SENP6: variants seen among roughly 807,000 people sequenced by gnomAD.
SENP6 encodes SUMO specific peptidase 6, also known as sentrin-specific protease 6.
SENP6 carries 41 observed loss-of-function variants against 134.5 expected under a neutral mutation model. The ratio of observed to expected loss-of-function variants is 0.30; its 90% confidence interval spans 0.24 to 0.40. The LOEUF (loss-of-function observed/expected upper bound fraction) is 0.40, where lower values mean the gene tolerates loss of function less well. Among genes scored for constraint, SENP6 ranks in the 10% least tolerant of loss-of-function variants. The pLI is 1.00. For synonymous variants in SENP6, 395 were observed against 429.8 expected (o/e 0.92, Z 1.00); for missense variants, 1,248 against 1,312.5 (o/e 0.95, Z 0.76).
At chr6:75,702,511 C>A (rs1775106812) in intron 18 of SENP6, 134 bp from the exon 19 acceptor site, 3 of 851,292 alleles carry the variant, frequency 3.5e-6, no homozygotes, top group Non-Finnish European at 5.2e-6. Context: ...AGCTACTGCG[C>A]CCGGCCAGAA....
chr6:75,603,571 T>G (rs1766801855), intron 1 of SENP6, among the ~76,000 whole-genome samples: 1 of 152,204 alleles, frequency 6.6e-6, no homozygotes, highest in Non-Finnish European at 1.5e-5. Flanking sequence ...AAAAAATAAC[T>G]TCTTTTAGTA....
chr6:75,696,305 T>C (rs1416283072), intron 17 of SENP6, among the ~76,000 whole-genome samples: 1 of 152,210 alleles, frequency 6.6e-6, no homozygotes, highest in Non-Finnish European at 1.5e-5. Flanking sequence ...ATGTGACTAG[T>C]AGGTTTTTTT....
intron 13 of SENP6, chr6:75,676,732 A>G (rs530218071): frequency 7.1e-5 from 15 of 210,626 alleles, no homozygotes; most frequent in African/African-American, 3.0e-4. Flanking sequence ...CTTTAAGACT[A>G]TAGATTTAGA....
At chr6:75,651,619 TG>T (rs927629080) in intron 7 of SENP6, among the ~76,000 whole-genome samples, 2 of 152,208 alleles carry the variant, frequency 1.3e-5, no homozygotes, top group African/African-American at 4.8e-5. Context: ...CCCAAAGTGC[TG>T]GGATTACAGG....
At chr6:75,627,923 T>G (rs1768824463) in intron 3 of SENP6, among the ~76,000 whole-genome samples, 1 of 152,088 alleles carries the variant, frequency 6.6e-6, no homozygotes, top group Non-Finnish European at 1.5e-5. Context: ...CTGCCCGCCT[T>G]GGCCTCCCGA....
intron 18 of SENP6, among the ~76,000 whole-genome samples, chr6:75,701,192 A>G (rs910246254): frequency 6.6e-6 from 1 of 152,210 alleles, no homozygotes; most frequent in Non-Finnish European, 1.5e-5. Context: ...ACACCCTACC[A>G]TAGGACAAAT....
At position 75,686,041 on chromosome 6, in the gene SENP6, T is replaced by C. The variant is rs1004028232; in HGVS notation, c.2075+7114T>C. On this transcript the variant is annotated intron_variant, in intron 16 of 23. Coordinates refer to ENST00000447266, the MANE Select transcript of SENP6 (RefSeq NM_015571.4). ...TTGTGTGGGAGTCTAAGTCTCTTTG[T>C]AGGTCACTCAGAACTTGCTTTATGA... Among the ~76,000 whole-genome samples, 22 of 150,478 alleles carry C rather than the reference T, an allele frequency of 1.5e-4. 1 individual carries two copies. The highest frequency in any genetic ancestry group is 1.4e-3 in the Admixed American group (21 of 15,060).
chr6:75,667,687 T>A (rs1345266412), intron 10 of SENP6, among the ~76,000 whole-genome samples: 4 of 152,194 alleles, frequency 2.6e-5, no homozygotes, highest in Non-Finnish European at 5.9e-5. Context: ...CATTAAAAAA[T>A]TTTTAATGTG....
chr6:75,702,462 C>T (rs1282764273), intron 18 of SENP6, among the ~76,000 whole-genome samples, 183 bp from the exon 19 acceptor site: 1 of 152,146 alleles, frequency 6.6e-6, no homozygotes, highest in Non-Finnish European at 1.5e-5. Flanking sequence ...AGGTGATCCA[C>T]CCACCTCAGC....
intron 1 of SENP6, among the ~76,000 whole-genome samples, chr6:75,607,881 A>G (rs1767143688): frequency 6.6e-6 from 1 of 151,816 alleles, no homozygotes; most frequent in African/African-American, 2.4e-5. Flanking sequence ...GGAGACCGTA[A>G]ATACCTAACA....
At chr6:75,620,836 T>TG (rs1275678957) in intron 1 of SENP6, 1 of 152,194 alleles carries the variant, frequency 6.6e-6, no homozygotes, top group African/African-American at 2.4e-5. Context: ...CTCATTTTGC[T>TG]GGGGCCTTGA....
intron 1 of SENP6, among the ~76,000 whole-genome samples, chr6:75,616,906 C>A (rs934940637): frequency 2.6e-5 from 4 of 152,056 alleles, no homozygotes; most frequent in African/African-American, 9.7e-5. Context: ...CTGTGTCACC[C>A]AGGCTGGATT....
intron 9 of SENP6, among the ~76,000 whole-genome samples, chr6:75,664,839 G>T (rs1036296025): frequency 1.3e-5 from 2 of 152,190 alleles, no homozygotes; most frequent in African/African-American, 4.8e-5. Context: ...CAGGCCTGGG[G>T]ATATAGCAGT....
At chr6:75,687,986 T>C (rs532188808) in intron 16 of SENP6, among the ~76,000 whole-genome samples, 6 of 152,242 alleles carry the variant, frequency 3.9e-5, no homozygotes, top group Non-Finnish European at 7.3e-5. Context: ...ATTTTTCAGC[T>C]ATGCCCTGCC....
chr6:75,654,177 T>C (rs1167178698), intron 7 of SENP6, among the ~76,000 whole-genome samples: 1 of 152,188 alleles, frequency 6.6e-6, no homozygotes, highest in Non-Finnish European at 1.5e-5. Flanking sequence ...TGAGCACAGG[T>C]TGAGGCACTG....
intron 8 of SENP6, among the ~76,000 whole-genome samples, chr6:75,662,534 T>C (rs937180369): frequency 6.6e-6 from 1 of 152,212 alleles, no homozygotes; most frequent in African/African-American, 2.4e-5. Flanking sequence ...AGTATTGAGA[T>C]TCTAGTTTTT....
intron 5 of SENP6, among the ~76,000 whole-genome samples, chr6:75,637,386 A>G (rs771236132): frequency 6.6e-6 from 1 of 152,042 alleles, no homozygotes; most frequent in Non-Finnish European, 1.5e-5. Flanking sequence ...AAAATACCAC[A>G]TTAGATTAGG....
intron 5 of SENP6, among the ~76,000 whole-genome samples, chr6:75,639,480 A>T (rs1450491167): frequency 2.0e-5 from 3 of 152,066 alleles, no homozygotes; most frequent in African/African-American, 7.2e-5. Context: ...TTTTAGTTGC[A>T]TACTCCACAT....
chr6:75,640,753 T>G (rs1487101865), intron 6 of SENP6, 49 bp downstream of exon 6: 1 of 1,127,474 alleles, frequency 8.9e-7, no homozygotes, highest in Non-Finnish European at 1.2e-6. Flanking sequence ...TGGTAAAATA[T>G]AAAATTATTT....
Sources: gnomAD v4.1 joint callset for allele counts (sites outside exome capture counted in the v4.1 genomes callset) on GRCh38, gnomAD v4.1.1 for gene constraint, MANE v1.5 for transcripts, NCBI Gene and HGNC (gene_info 2026-07-23, HGNC 2026-07-21) for gene names.